Variants in NT5C2 observed in about 807,000 individuals in gnomAD.
NT5C2 encodes the protein cytosolic purine 5'-nucleotidase.
A neutral mutation model predicts 76.1 loss-of-function variants in NT5C2; 58 were observed. That is an observed-to-expected ratio of 0.76 (90% CI 0.62 to 0.95). The LOEUF is 0.95. Ranked by LOEUF, NT5C2 falls within the 40% of genes least tolerant of loss-of-function variation. The pLI is 0.00. For synonymous variants in NT5C2, 229 were observed against 237.4 expected (o/e 0.96, Z 0.32); for missense variants, 478 against 690.3 (o/e 0.69, Z 3.45).
rs532568685 is a variant in NT5C2 at position 103,126,232 on chromosome 10, A to G, written c.175+13174T>C. ...ACCCGCAGAGGAAGTCAAAATGCAA[A>G]GGGCCAAATCCTGATACATATCATG... On this transcript the variant is annotated intron_variant, in intron 4 of 18. Transcript: ENST00000404739. Among the ~76,000 whole-genome samples the G allele has an allele frequency of 3.3e-5, 5 of 152,346 alleles. No homozygotes were observed. The South Asian group carries it at 1.0e-3, about 32-fold the overall frequency.
chr10:103,187,250 A>C (rs1394113371), intron 1 of NT5C2, among the ~76,000 whole-genome samples: 3 of 151,774 alleles, frequency 2.0e-5, no homozygotes, highest in Non-Finnish European at 4.4e-5. Context: ...ACTCCACCTT[A>C]AAAAAATAAA....
At position 103,174,900 on chromosome 10, in the gene NT5C2, T is replaced by C; in HGVS notation, c.59A>G (p.Asp20Gly). Residue 20 changes from aspartate to glycine, a missense_variant, in exon 3 of 19, where the codon GAT becomes GGT. Transcript: ENST00000404739. ...ACGATACTTTTTCAGGGCATGCTTA[T>C]CCATGTTAGCAGGCATATCTGCTGC... is the stretch of plus-strand genomic sequence containing the variant. ...QNAADMPANM[D>G]KHALKKYRRE... is the part of the protein sequence containing the mutation. 1 of 1,613,800 alleles carries C rather than the reference T, an allele frequency of 6.2e-7. No individual in the cohort carries two copies. The highest frequency in any genetic ancestry group is 8.5e-7 in the Non-Finnish European group (1 of 1,179,786).
intron 4 of NT5C2, among the ~76,000 whole-genome samples, chr10:103,124,790 A>G (rs1171354474): frequency 6.6e-6 from 1 of 151,814 alleles, no homozygotes. Context: ...CACCAACCAC[A>G]TAACCTCTAG....
intron 4 of NT5C2, among the ~76,000 whole-genome samples, chr10:103,114,341 G>A (rs926677211): frequency 1.3e-5 from 2 of 152,090 alleles, no homozygotes; most frequent in African/African-American, 4.8e-5. Context: ...CCAGGGAGGC[G>A]GAGGTTGCAG....
intron 4 of NT5C2, among the ~76,000 whole-genome samples, chr10:103,116,137 C>T (rs952130927): frequency 1.3e-5 from 2 of 151,854 alleles, no homozygotes; most frequent in African/African-American, 4.8e-5. Context: ...TTTAAAAAAA[C>T]CATTTTATTG....
At chr10:103,177,694 A>AT (rs560251819) in intron 2 of NT5C2, among the ~76,000 whole-genome samples, 9 of 152,054 alleles carry the variant, frequency 5.9e-5, no homozygotes, top group Admixed American at 3.3e-4. Flanking sequence ...GCTAATTATT[A>AT]TTTTTTTTAA....
At chr10:103,182,570 G>C (rs1246631934) in intron 1 of NT5C2, among the ~76,000 whole-genome samples, 3 of 151,800 alleles carry the variant, frequency 2.0e-5, no homozygotes, top group Non-Finnish European at 2.9e-5. Context: ...AGGAGGCAGA[G>C]CTTGCAGTGA....
intron 3 of NT5C2, chr10:103,145,922 A>G (rs2081394562): frequency 3.7e-6 from 1 of 270,070 alleles, no homozygotes; most frequent in Non-Finnish European, 5.7e-6. Flanking sequence ...TGCTTTAGAA[A>G]TAAGAATATT....
At chr10:103,136,791 A>C (rs1255023506) in intron 4 of NT5C2, among the ~76,000 whole-genome samples, 3 of 151,776 alleles carry the variant, frequency 2.0e-5, no homozygotes, top group Non-Finnish European at 4.4e-5. Flanking sequence ...CACCCAACTA[A>C]TTTTTGTATT....
At chr10:103,160,611 G>A (rs1039650342) in intron 3 of NT5C2, among the ~76,000 whole-genome samples, 4 of 152,054 alleles carry the variant, frequency 2.6e-5, no homozygotes, top group Non-Finnish European at 5.9e-5. Context: ...CTTCACAAAA[G>A]ATACACAAAT....
At chr10:103,146,527 T>A in intron 3 of NT5C2, 2 of 674,768 alleles carry the variant, frequency 3.0e-6, no homozygotes, top group Non-Finnish European at 3.7e-6. Flanking sequence ...AATTATGAAC[T>A]AAAAAGTATG....
At chr10:103,189,648 A>T (rs1156661281) in intron 1 of NT5C2, among the ~76,000 whole-genome samples, 1 of 151,376 alleles carries the variant, frequency 6.6e-6, no homozygotes, top group Non-Finnish European at 1.5e-5. Flanking sequence ...GACTGTCATA[A>T]TTTTTTTAAC....
At chr10:103,121,928 T>G (rs905742172) in intron 4 of NT5C2, among the ~76,000 whole-genome samples, 4 of 152,076 alleles carry the variant, frequency 2.6e-5, no homozygotes, top group African/African-American at 9.7e-5. Flanking sequence ...AATCCCAGCA[T>G]TTTAGGAGGC....
intron 4 of NT5C2, among the ~76,000 whole-genome samples, chr10:103,129,319 C>T (rs1251282431): frequency 2.6e-5 from 3 of 116,406 alleles, no homozygotes; most frequent in Admixed American, 1.5e-4. Context: ...GCCCCCCGCC[C>T]GGCCAGCCGC....
intron 3 of NT5C2, among the ~76,000 whole-genome samples, chr10:103,143,400 T>A (rs1011232373): frequency 1.3e-5 from 2 of 152,048 alleles, no homozygotes; most frequent in Non-Finnish European, 2.9e-5. Context: ...TACCTCACCA[T>A]TTAAAAATGC....
rs182679134 is a variant in NT5C2 at position 103,187,771 on chromosome 10, T to G, written c.-169+5465A>C. Among the ~76,000 whole-genome samples the G allele has an allele frequency of 5.9e-3, 903 of 152,256 alleles. 8 individuals carry two copies. The highest frequency in any genetic ancestry group is 0.02 in the African/African-American group (847 of 41,538). On this transcript the variant is annotated intron_variant, in intron 1 of 18. Coordinates refer to ENST00000404739, the MANE Select transcript of NT5C2 (RefSeq NM_001351169.2). ...AGATAGAGATACACAAATGCCTAAC[T>G]AGATTCTAATATGACTGCTATAAAA... is the stretch of plus-strand genomic sequence containing the variant.
chr10:103,142,984 A>T (rs1305167161), intron 3 of NT5C2, among the ~76,000 whole-genome samples: 1 of 147,180 alleles, frequency 6.8e-6, no homozygotes. Context: ...GCAAGATTCC[A>T]TCAAAAAAAA....
rs545653602 is a variant in NT5C2 at position 103,092,609 on chromosome 10, G to C, written c.1159+530C>G. Among the ~76,000 whole-genome samples the C allele has an allele frequency of 1.9e-4, 29 of 152,308 alleles. 1 individual carries two copies. The South Asian group carries it at 5.0e-3, about 26-fold the overall frequency. On this transcript the variant is annotated intron_variant, in intron 15 of 18. Transcript: ENST00000404739. ...AACTTGTATATCAAGCACTTTTACA[G>C]AACTATATCCGTAACTCAGTTCAGC...
intron 4 of NT5C2, among the ~76,000 whole-genome samples, chr10:103,122,020 A>T (rs537262427): frequency 6.6e-6 from 1 of 152,250 alleles, no homozygotes; most frequent in East Asian, 1.9e-4. Context: ...CTAAAAATAC[A>T]AAAATTAGCC....
Sources: allele counts gnomAD v4.1 joint callset (sites outside exome capture counted in the v4.1 genomes callset), GRCh38; gene constraint gnomAD v4.1.1; transcripts MANE v1.5; gene names NCBI Gene and HGNC (gene_info 2026-07-23, HGNC 2026-07-21).